The following VILL variants were observed in gnomAD, a reference collection of about 807,000 sequenced individuals.
VILL encodes the protein villin-like protein.
A neutral mutation model predicts 106.3 loss-of-function variants in VILL; 102 were observed. The observed-to-expected ratio is 0.96, with a 90% CI of 0.82 to 1.13. VILL has a LOEUF of 1.13. Among genes scored for constraint, VILL ranks in the 50% most tolerant of loss-of-function variants. The pLI is 0.00. For synonymous variants in VILL, 431 were observed against 440.3 expected (o/e 0.98, Z 0.27); for missense variants, 1,076 against 1,116.6 (o/e 0.96, Z 0.52).
Position 37,997,022 on chromosome 3 carries a change from C to T in VILL, c.451-55C>T. On this transcript the variant is annotated intron_variant, in intron 5 of 19. Transcript: ENST00000383759. This position sits in a 1 kb window ranked among gnomAD's most constrained non-coding sequence, Gnocchi z 4.7. ...CACGTGACACATCCCAGCTATGCTC[C>T]CCTCTAGCGGATGCTGGTGGTATGA... The T allele has an allele frequency of 2.0e-6, 3 of 1,511,132 alleles. No homozygotes were observed. Among genetic ancestry groups the T allele is most frequent in the African/African-American group, 1.4e-5 (1 of 72,966 alleles). 93.6% of individuals were successfully genotyped at this position (1,511,132 alleles called of 1,614,324 possible). A position where few individuals can be genotyped will look rare whatever the true frequency, so the allele number is the denominator to read the frequency against.
At position 38,006,429 on chromosome 3, in the gene VILL, T is replaced by G; in HGVS notation, c.2206-20T>G. On this transcript the variant is annotated intron_variant, in intron 18 of 19. Transcript: ENST00000383759. ...TACTGATTCCCCATCTTCCCCAGCC[T>G]GAGGCTCCTCTCTGGACAGGAAGTC... The G allele has an allele frequency of 6.3e-7, 1 of 1,584,804 alleles. No homozygotes were observed. The highest frequency in any genetic ancestry group is 8.6e-7 in the Non-Finnish European group (1 of 1,161,142).
At chr3:37,995,895 G>T in intron 5 of VILL, 48 bp downstream of exon 5, 1 of 1,512,326 alleles carries the variant, frequency 6.6e-7, no homozygotes, top group South Asian at 1.1e-5. Flanking sequence ...GGCTCAGACT[G>T]GGTGTACTGA....
In VILL at chr3:38,006,525, G is replaced by T. The variant is rs776403647; in HGVS notation, c.2282G>T (p.Gly761Val). 2.2e-5 allele frequency: 35 copies of T among 1,613,002 alleles called. No individual in the cohort carries two copies. Among genetic ancestry groups the T allele is most frequent in the Non-Finnish European group, 3.0e-5 (35 of 1,179,208 alleles). The change falls in exon 19 of 20, where the codon GGC (glycine) becomes GTC (valine). Residue 761 changes from glycine to valine, a missense_variant. Coordinates refer to ENST00000383759, the MANE Select transcript of VILL (RefSeq NM_015873.4). ...GCCGTGGCCCTGCAGGCCCTCAAGGGCTCCCAGGACAGCTCAGAGAATGAT... is the reference window on the plus strand; with the variant it reads ...GCCGTGGCCCTGCAGGCCCTCAAGGTCTCCCAGGACAGCTCAGAGAATGAT... The part of the protein sequence containing the change: ...AGAVALQALK[G>V]SQDSSENDLV...
Position 38,006,984 on chromosome 3 carries a change from T to C in VILL, c.2500T>C (p.Ser834Pro). The change falls in exon 20 of 20, where the codon TCC becomes CCC. Residue 834 changes from serine to proline, a missense_variant. Physicochemically the swap from Ser to Pro is moderately conservative, Grantham distance 74. Coordinates refer to ENST00000383759, the MANE Select transcript of VILL (RefSeq NM_015873.4). ...DSDFQDIFGK[S>P]KEEFYSMATW... Reference sequence around the variant, plus strand: ...TGACTTCCAAGATATCTTTGGGAAATCCAAGGAGGAATTCTACAGCATGGC... The same window carrying C: ...TGACTTCCAAGATATCTTTGGGAAACCCAAGGAGGAATTCTACAGCATGGC... 2 of 1,614,024 alleles carry C rather than the reference T, an allele frequency of 1.2e-6. No individual in the cohort carries two copies. The highest frequency in any genetic ancestry group is 1.7e-6 in the Non-Finnish European group (2 of 1,179,986).
intron 1 of VILL, 21 bp from the exon 2 acceptor site, chr3:37,993,566 A>C: frequency 9.9e-7 from 1 of 1,008,310 alleles, no homozygotes; most frequent in South Asian, 1.5e-5. Flanking sequence ...CTCCTAATAA[A>C]AGTCATGTTC....
Position 37,995,665 on chromosome 3 carries a change from G to A in VILL, c.342-74G>A. 3 of 1,267,440 alleles carry A rather than the reference G, an allele frequency of 2.4e-6. No homozygotes were observed. In the South Asian group the frequency reaches 3.6e-5, roughly 15 times the overall value. 78.5% of individuals were successfully genotyped at this position (1,267,440 alleles called of 1,614,324 possible). A position where few individuals can be genotyped will look rare whatever the true frequency, so the allele number is the denominator to read the frequency against. ...ATACGTGCACGTGCTCACATCTGCA[G>A]TCATTCATGCACATGGCAGTCTGTG... is the stretch of plus-strand genomic sequence containing the variant. On this transcript the variant is annotated intron_variant, in intron 4 of 19. Transcript: ENST00000383759.
In VILL at chr3:38,006,880, G is replaced by A. The variant is rs947164425; in HGVS notation, c.2458-62G>A. ...CCTGGATGACTGACACTACTGAGTG[G>A]GGCAGGATTCTGGGCTCAGATGACA... On this transcript the variant is annotated intron_variant, in intron 19 of 19. Coordinates refer to ENST00000383759, the MANE Select transcript of VILL (RefSeq NM_015873.4). 3.9e-6 allele frequency: 6 copies of A among 1,540,878 alleles called. No homozygotes were observed. The African/African-American group carries it at 5.5e-5, about 14-fold the overall frequency.
chr3:37,989,121 CT>C (rs1699581068), upstream of VILL, among the ~76,000 whole-genome samples: 1 of 152,112 alleles, frequency 6.6e-6, no homozygotes, highest in South Asian at 2.1e-4. Context: ...CATGAACCAG[CT>C]GCCGACGGGC....
In VILL at chr3:37,997,828, C is replaced by T; in HGVS notation, c.764+143C>T. ...GGACAGGTCATGTGGACCGTGGGTC[C>T]AGCCTGTACTCTTCCATGGCATGTG... On this transcript the variant is annotated intron_variant, in intron 7 of 19. Transcript: ENST00000383759. The surrounding 1 kb of genome is among the most constrained non-coding windows in gnomAD (Gnocchi z 4.7). 1.0e-6 allele frequency: 1 copy of T among 970,788 alleles called. No homozygotes were observed. Among genetic ancestry groups the T allele is most frequent in the Non-Finnish European group, 1.5e-6 (1 of 666,654 alleles). 60.1% of individuals were successfully genotyped at this position (970,788 alleles called of 1,614,324 possible).
chr3:38,006,443 G>A lies in VILL; in HGVS notation c.2206-6G>A. 6.3e-7 allele frequency: 1 copy of A among 1,594,488 alleles called. No individual in the cohort carries two copies. Among genetic ancestry groups the A allele is most frequent in the Non-Finnish European group, 8.6e-7 (1 of 1,167,128 alleles). ...CTTCCCCAGCCTGAGGCTCCTCTCTGGACAGGAAGTCAACAACTTGCGGCT... is the reference window on the plus strand; with the variant it reads ...CTTCCCCAGCCTGAGGCTCCTCTCTAGACAGGAAGTCAACAACTTGCGGCT... On this transcript the variant is annotated splice_region_variant and splice_polypyrimidine_tract_variant and intron_variant, in intron 18 of 19. Coordinates refer to ENST00000383759, the MANE Select transcript of VILL (RefSeq NM_015873.4).
upstream of VILL, among the ~76,000 whole-genome samples, chr3:37,988,525 CACA>C (rs1289126258): frequency 6.6e-6 from 1 of 152,136 alleles, no homozygotes; most frequent in Non-Finnish European, 1.5e-5. Context: ...GCAGTGGTTG[CACA>C]ACAATATGAG....
rs559077026 is a variant in VILL at position 37,997,674 on chromosome 3, T to C, written c.753T>C (p.Val251=). 6.3e-6 allele frequency: 8 copies of C among 1,276,668 alleles called. No individual in the cohort carries two copies. The East Asian group carries it at 3.5e-4, about 55-fold the overall frequency. The allele number at this position is 1,276,668 out of a possible 1,614,324, so 79.1% of individuals were successfully genotyped here. The change falls in exon 7 of 20, where the codon GTT becomes GTC. Residue 251 remains valine (V), a synonymous_variant. Coordinates refer to ENST00000383759, the MANE Select transcript of VILL (RefSeq NM_015873.4). The surrounding 1 kb of genome is among the most constrained non-coding windows in gnomAD (Gnocchi z 4.7). ...KDINQLQKAN[V]RLYHVYEKGK... Reference sequence around the variant, plus strand: ...TCAACCAGCTGCAGAAGGCCAATGTTCGCCTGTACCAGTGAGTACCCCTGG... The same window carrying C: ...TCAACCAGCTGCAGAAGGCCAATGTCCGCCTGTACCAGTGAGTACCCCTGG...
Position 37,997,619 on chromosome 3 carries a change from G to T in VILL, c.698G>T (p.Ser233Ile), listed in dbSNP as rs772972952. Residue 233 changes from serine (S) to isoleucine (I), a missense_variant, in exon 7 of 20, where the codon AGC becomes ATC. Coordinates refer to ENST00000383759, the MANE Select transcript of VILL (RefSeq NM_015873.4). This position sits in a 1 kb window ranked among gnomAD's most constrained non-coding sequence, Gnocchi z 4.7. Reference protein sequence around the residue: ...MEAVLGRRVGSLRAATPSKDI... With the variant: ...MEAVLGRRVGILRAATPSKDI... ...GCTGTGCTGGGCCGCAGGGTGGGCA[G>T]CCTGCGTGCCGCCACGCCCAGCAAG... The T allele has an allele frequency of 1.9e-6, 3 of 1,612,492 alleles. No homozygotes were observed. The highest frequency in any genetic ancestry group is 1.7e-5 in the Admixed American group (1 of 59,994).
At chr3:38,000,846 G>T in intron 11 of VILL, 1 of 456,662 alleles carries the variant, frequency 2.2e-6, no homozygotes, top group Non-Finnish European at 4.4e-6. Flanking sequence ...CAGAGGTGAG[G>T]TAAGGGAGGC....
rs773996968 is a variant in VILL, at chr3:38,004,255, G to C, written c.1806G>C (p.Arg602Ser). 1.1e-5 allele frequency: 17 copies of C among 1,607,996 alleles called. No individual in the cohort carries two copies. The highest frequency in any genetic ancestry group is 2.2e-5 in the East Asian group (1 of 44,678). Residue 602 changes from arginine to serine, a missense_variant and splice_region_variant, in exon 16 of 20, where the codon AGG becomes AGC. Transcript: ENST00000383759. The stretch of plus-strand genomic sequence containing the variant: ...CAGCCTTGCTGTCCGTGCTGGCCAG[G>C]CTCCCTGAGGAGGTCCCCAGCTTCC... The part of the protein sequence containing the change: ...GGRAPYPSNK[R>S]LPEEVPSFQP...
chr3:38,001,833 C>A lies in VILL; in HGVS notation c.1452C>A (p.Ile484=). 1.9e-6 allele frequency: 3 copies of A among 1,614,268 alleles called. No individual in the cohort carries two copies. The highest frequency in any genetic ancestry group is 8.5e-7 in the Non-Finnish European group (1 of 1,180,046). Residue 484 remains isoleucine, a synonymous_variant, in exon 13 of 20, where the codon ATC becomes ATA. Coordinates refer to ENST00000383759, the MANE Select transcript of VILL (RefSeq NM_015873.4). ...GCGAGCCCCCCCACTTCCTCGCCAT[C>A]TTCCAGGGCCAGCTGGTGATCTTCC... ...MGSEPPHFLA[I]FQGQLVIFQE...
chr3:37,999,543 C>A, intron 11 of VILL, 104 bp downstream of exon 11: 1 of 823,770 alleles, frequency 1.2e-6, no homozygotes. Flanking sequence ...GGTGCACATC[C>A]ACACACAATC....
At chr3:37,989,143 C>T (rs1192544920), upstream of VILL, among the ~76,000 whole-genome samples, 4 of 152,138 alleles carry the variant, frequency 2.6e-5, no homozygotes, top group South Asian at 2.1e-4. Context: ...CAGTGGCTTG[C>T]GGGAGAGAGA....
At position 38,004,359 on chromosome 3, in the gene VILL, T is replaced by A; in HGVS notation, c.1910T>A (p.Leu637Gln). The A allele has an allele frequency of 1.9e-6, 3 of 1,613,456 alleles. No individual in the cohort carries two copies. The highest frequency in any genetic ancestry group is 2.5e-6 in the Non-Finnish European group (3 of 1,179,370). Reference sequence around the variant, plus strand: ...GTGGGGTTCTTCAGCCAGGAGGACCTGGACAAGTATGACATCATGTTACTG... The same window carrying A: ...GTGGGGTTCTTCAGCCAGGAGGACCAGGACAAGTATGACATCATGTTACTG... ...AEVGFFSQEDLDKYDIMLLDT... is the reference protein window; with the variant it reads ...AEVGFFSQEDQDKYDIMLLDT... Residue 637 changes from leucine to glutamine, a missense_variant, in exon 16 of 20, where the codon CTG becomes CAG. By Grantham distance (113) the Leu-to-Gln change is moderately radical. Transcript: ENST00000383759.
Sources: gnomAD v4.1 joint callset for allele counts (sites outside exome capture counted in the v4.1 genomes callset) on GRCh38, gnomAD v4.1.1 for gene constraint, Gnocchi (gnomAD v3.1) non-coding constraint, MANE v1.5 for transcripts, NCBI Gene and HGNC (gene_info 2026-07-23, HGNC 2026-07-21) for gene names.